NAALADL2: variants seen among roughly 807,000 people sequenced by gnomAD.
The protein encoded by NAALADL2 is inactive N-acetylated-alpha-linked acidic dipeptidase-like protein 2.
A neutral mutation model predicts 87.2 loss-of-function variants in NAALADL2; 76 were observed. That is an observed-to-expected ratio of 0.87 (90% CI 0.72 to 1.05). The LOEUF is 1.05. NAALADL2 is among the 50% of genes least tolerant of loss of function. The pLI is 0.00. For synonymous variants in NAALADL2, 354 were observed against 331.0 expected (o/e 1.07, Z -0.75); for missense variants, 1,089 against 945.8 (o/e 1.15, Z -1.99).
intron 2 of NAALADL2, among the ~76,000 whole-genome samples, chr3:174,705,514 A>G (rs946329548): frequency 1.3e-5 from 2 of 152,176 alleles, no homozygotes; most frequent in East Asian, 1.9e-4. Flanking sequence ...GCCGGGCGCG[A>G]TGGCTCACGC....
At chr3:175,470,687 A>C (rs950183462) in intron 8 of NAALADL2, among the ~76,000 whole-genome samples, 6 of 152,152 alleles carry the variant, frequency 3.9e-5, no homozygotes, top group Non-Finnish European at 7.4e-5. Context: ...ACAAAAAAAA[A>C]CAGGAAAATA....
intron 2 of NAALADL2, among the ~76,000 whole-genome samples, chr3:175,183,673 A>T (rs555393694): frequency 6.6e-6 from 1 of 152,164 alleles, no homozygotes; most frequent in South Asian, 2.1e-4. Context: ...GATCCCGGTG[A>T]TAAATTCCAC....
intron 1 of NAALADL2, among the ~76,000 whole-genome samples, chr3:174,939,431 A>G (rs1011704100): frequency 1.3e-5 from 2 of 151,990 alleles, no homozygotes; most frequent in Admixed American, 1.3e-4. Context: ...AGTTTGAAGT[A>G]GGGTAATATG....
intron 5 of NAALADL2, among the ~76,000 whole-genome samples, chr3:175,434,991 T>C (rs956685732): frequency 6.6e-6 from 1 of 152,012 alleles, no homozygotes; most frequent in Admixed American, 6.6e-5. Context: ...AGTCTTGGAG[T>C]AGACAAATGA....
rs144945407 is a variant in NAALADL2, at chr3:174,482,587, T to A, written c.-184+41555T>A. On this transcript the variant is annotated intron_variant, in intron 1 of 3. Coordinates refer to the NAALADL2 transcript ENST00000434257. ...CAGATCTGGTTTATAGATTTTTGTT[T>A]CATTTTTCCAGTATTTAAAACACAA... Among the ~76,000 whole-genome samples the A allele has an allele frequency of 2.8e-3, 425 of 152,228 alleles. 3 individuals are homozygous for A. The highest frequency in any genetic ancestry group is 6.8e-3 in the Middle Eastern group (2 of 294).
chr3:174,533,272 G>A (rs1356021059), intron 1 of NAALADL2, among the ~76,000 whole-genome samples: 1 of 151,632 alleles, frequency 6.6e-6, no homozygotes, highest in Non-Finnish European at 1.5e-5. Context: ...GCACCCCTCT[G>A]CATAGAAGTA....
chr3:175,370,210 T>C (rs1378569986), intron 5 of NAALADL2, among the ~76,000 whole-genome samples: 8 of 152,172 alleles, frequency 5.3e-5, no homozygotes, highest in Non-Finnish European at 8.8e-5. Context: ...CTCTGGGAAG[T>C]CATTTATCTG....
chr3:175,176,873 C>T (rs560083575), intron 2 of NAALADL2, among the ~76,000 whole-genome samples: 2 of 152,008 alleles, frequency 1.3e-5, no homozygotes, highest in Non-Finnish European at 2.9e-5. Flanking sequence ...AAATCAGTGT[C>T]GCATTTCTGA....
chr3:174,964,783 C>T (rs957438157), intron 1 of NAALADL2, among the ~76,000 whole-genome samples: 6 of 151,748 alleles, frequency 4.0e-5, no homozygotes, highest in African/African-American at 1.4e-4. Context: ...AACGTAGCAC[C>T]TCTCAGGGCC....
chr3:175,718,524 T>A, intron 11 of NAALADL2: 42 of 1,590,698 alleles, frequency 2.6e-5, no homozygotes, highest in Non-Finnish European at 3.5e-5. Flanking sequence ...ATCATCCCTG[T>A]CCATCTTGTA....
chr3:175,270,319 A>C (rs975735299), intron 4 of NAALADL2, among the ~76,000 whole-genome samples: 5 of 152,192 alleles, frequency 3.3e-5, no homozygotes, highest in African/African-American at 1.2e-4. Context: ...AAGGGGTGAA[A>C]AATATCACTT....
At chr3:174,515,208 C>T (rs1719867756) in intron 1 of NAALADL2, among the ~76,000 whole-genome samples, 1 of 152,072 alleles carries the variant, frequency 6.6e-6, no homozygotes, top group African/African-American at 2.4e-5. Flanking sequence ...ATAGTATAAA[C>T]ACAGGATAGC....
intron 2 of NAALADL2, among the ~76,000 whole-genome samples, chr3:175,177,740 A>G (rs865875081): frequency 1.3e-5 from 2 of 152,016 alleles, no homozygotes. Context: ...TCATGTATGC[A>G]CGTATTTAAT....
chr3:175,409,096 T>TACACATGGAGATTTTTCTTTTCC (rs1712968293), intron 5 of NAALADL2, among the ~76,000 whole-genome samples: 1 of 152,002 alleles, frequency 6.6e-6, no homozygotes, highest in African/African-American at 2.4e-5. Context: ...ATGACTTTTT[T>TACACATGGAGATTTTTCTTTTCC]ACACATGGAG....
At chr3:175,754,200 G>A (rs1363165137) in intron 12 of NAALADL2, among the ~76,000 whole-genome samples, 1 of 152,162 alleles carries the variant, frequency 6.6e-6, no homozygotes, top group Non-Finnish European at 1.5e-5. Flanking sequence ...ATAAATCTAT[G>A]AAGCAGGTAC....
intron 1 of NAALADL2, among the ~76,000 whole-genome samples, chr3:174,973,476 T>C (rs1263014285): frequency 6.6e-6 from 1 of 152,198 alleles, no homozygotes. Flanking sequence ...GATAATATTA[T>C]AGCTCTAATT....
intron 10 of NAALADL2, among the ~76,000 whole-genome samples, chr3:175,600,783 C>A (rs561441589): frequency 6.6e-6 from 1 of 151,812 alleles, no homozygotes; most frequent in Non-Finnish European, 1.5e-5. Flanking sequence ...GTGATCCGCC[C>A]GCCTCGGCCT....
intron 1 of NAALADL2, among the ~76,000 whole-genome samples, chr3:174,511,898 CT>C (rs1421157975): frequency 6.6e-6 from 1 of 152,008 alleles, no homozygotes. Flanking sequence ...TGTTATTTCA[CT>C]TCATGTAAAA....
chr3:175,189,427 T>C (rs1425621797), intron 2 of NAALADL2, among the ~76,000 whole-genome samples: 1 of 152,186 alleles, frequency 6.6e-6, no homozygotes, highest in Non-Finnish European at 1.5e-5. Context: ...TAGCATTCCC[T>C]ACACAAATAT....
Sources: allele counts gnomAD v4.1 joint callset (sites outside exome capture counted in the v4.1 genomes callset), GRCh38; gene constraint gnomAD v4.1.1; transcripts MANE v1.5; gene names NCBI Gene and HGNC (gene_info 2026-07-23, HGNC 2026-07-21).